MAP7: variants seen among roughly 807,000 people sequenced by gnomAD.
The protein encoded by MAP7 is microtubule associated protein 7, also known as ensconsin.
Under a neutral mutation model 94.8 loss-of-function variants are expected in MAP7, and 52 were observed. The observed-to-expected ratio is 0.55, with a 90% CI of 0.44 to 0.69. The LOEUF is 0.69. Among genes scored for constraint, MAP7 ranks in the 30% least tolerant of loss-of-function variants. The pLI, the probability that MAP7 is intolerant of heterozygous loss-of-function variation, is 0.00. For synonymous variants in MAP7, 350 were observed against 357.0 expected, an observed-to-expected ratio of 0.98 and a Z score of 0.22; for missense variants, 940 against 964.6, an observed-to-expected ratio of 0.97 and a Z score of 0.34.
chr6:136,524,605 A>G (rs971756093), intron 1 of MAP7, among the ~76,000 whole-genome samples: 1 of 152,230 alleles, frequency 6.6e-6, no homozygotes, highest in Non-Finnish European at 1.5e-5. Context: ...ATAAAAATCA[A>G]CTACAGTAGT....
chr6:136,447,104 T>C (rs1799588823), intron 1 of MAP7, among the ~76,000 whole-genome samples: 1 of 152,248 alleles, frequency 6.6e-6, no homozygotes, highest in Admixed American at 6.5e-5. Flanking sequence ...ATCTGTATCA[T>C]GGTTTTAACA....
Position 136,471,716 on chromosome 6 carries a change from G to A in MAP7, c.68-49917C>T, listed in dbSNP as rs560803587. ...TTTACATTACCCTGGAATCTTGCAC[G>A]CGGTCCTTGAATTGCAGAACCATCT... On this transcript the variant is annotated intron_variant, in intron 1 of 17. Transcript: ENST00000354570. Among the ~76,000 whole-genome samples the A allele has an allele frequency of 8.6e-5, 13 of 151,942 alleles. No homozygotes were observed. The East Asian group carries it at 1.4e-3, about 16-fold the overall frequency.
chr6:136,507,353 G>A (rs75235911), intron 1 of MAP7, among the ~76,000 whole-genome samples: 9,364 of 151,544 alleles, frequency 0.062, 403 homozygotes, highest in Non-Finnish European at 0.092. Context: ...GACGGGAAGG[G>A]GGGTAGTAAC....
At chr6:136,388,634 C>T (rs1582759597) in intron 4 of MAP7, 124 bp from the exon 5 acceptor site, 1 of 740,780 alleles carries the variant, frequency 1.3e-6, no homozygotes, top group South Asian at 1.7e-5. Flanking sequence ...TGATCTCTAG[C>T]TGAACTTCTA....
At chr6:136,398,887 C>T (rs1045368734) in intron 3 of MAP7, among the ~76,000 whole-genome samples, 2 of 152,170 alleles carry the variant, frequency 1.3e-5, no homozygotes, top group African/African-American at 2.4e-5. Flanking sequence ...ACTCCACATG[C>T]CCCTGTCATC....
intron 1 of MAP7, among the ~76,000 whole-genome samples, chr6:136,498,834 G>C (rs1262780515): frequency 6.6e-6 from 1 of 151,958 alleles, no homozygotes. Context: ...CAACTGACAG[G>C]CCCAAAAGTA....
rs1245523337 is a variant in MAP7, at chr6:136,344,156, T to C, written c.*72A>G. 6.5e-6 allele frequency: 5 copies of C among 768,872 alleles called. No homozygotes were observed. Among genetic ancestry groups the C allele is most frequent in the African/African-American group, 5.5e-5 (3 of 55,030 alleles). The allele number at this position is 768,872 out of a possible 1,614,324, so 47.6% of individuals were successfully genotyped here. A position where few individuals can be genotyped will look rare whatever the true frequency, so the allele number is the denominator to read the frequency against. On this transcript the variant is annotated 3_prime_UTR_variant, in exon 18 of 18. Coordinates refer to ENST00000354570, the MANE Select transcript of MAP7 (RefSeq NM_003980.6). ...AACGGGTGGAGGGGATGCTCCTTTA[T>C]AGCAGGAAAGGAATTCCATTAATTG... is the stretch of plus-strand genomic sequence containing the variant.
chr6:136,436,337 C>T (rs1796364315), intron 1 of MAP7, among the ~76,000 whole-genome samples: 2 of 151,636 alleles, frequency 1.3e-5, no homozygotes, highest in South Asian at 4.1e-4. Context: ...AAGGTAACTA[C>T]TTATGCCTGA....
chr6:136,543,850 G>A (rs534794725), intron 1 of MAP7, among the ~76,000 whole-genome samples: 59 of 151,868 alleles, frequency 3.9e-4, no homozygotes, highest in South Asian at 1.2e-3. Flanking sequence ...TGTTAACGGT[G>A]GTGCTTACAT....
rs1786992347 is a variant in MAP7 at position 136,343,761 on chromosome 6, T to C, written c.*467A>G. 2.0e-5 allele frequency: 3 copies of C among 152,336 alleles called. No individual in the cohort carries two copies. The South Asian group carries it at 6.2e-4, about 32-fold the overall frequency. The allele number at this position is 152,336 out of a possible 1,614,324, so 9.4% of individuals were successfully genotyped here. A position where few individuals can be genotyped will look rare whatever the true frequency, so the allele number is the denominator to read the frequency against. The stretch of plus-strand genomic sequence containing the variant: ...ACAAATAGAGCTCTTTGCAATAATA[T>C]TTTAAAAAAACAGGCTTAAACTCTT... On this transcript the variant is annotated 3_prime_UTR_variant, in exon 18 of 18. Transcript: ENST00000354570.
At chr6:136,526,533 G>A (rs763882498) in intron 1 of MAP7, 121 of 985,350 alleles carry the variant, frequency 1.2e-4, no homozygotes, top group Non-Finnish European at 1.4e-4. Context: ...GGCCCAGAGC[G>A]GCTCCATCTC....
chr6:136,466,844 T>G (rs1360340739), intron 1 of MAP7: 4 of 1,533,032 alleles, frequency 2.6e-6, no homozygotes, highest in Non-Finnish European at 3.5e-6. Flanking sequence ...CTTCTTGCTT[T>G]GTGTCCCTCA....
At position 136,357,107 on chromosome 6, in the gene MAP7, A is replaced by G. The variant is rs147362115; in HGVS notation, c.1913-313T>C. ...GTTACATGAAGTATATAATATTGAA[A>G]CCAAAGCAACTGATAAAGATAGCAG... On this transcript the variant is annotated intron_variant, in intron 15 of 17. Coordinates refer to ENST00000354570, the MANE Select transcript of MAP7 (RefSeq NM_003980.6). Among the ~76,000 whole-genome samples, 732 of 152,334 alleles carry G rather than the reference A, an allele frequency of 4.8e-3. 8 individuals carry two copies. Among genetic ancestry groups the G allele is most frequent in the African/African-American group, 0.017 (704 of 41,576 alleles).
intron 1 of MAP7, among the ~76,000 whole-genome samples, chr6:136,495,675 A>G (rs1818004264): frequency 6.6e-6 from 1 of 152,126 alleles, no homozygotes. Flanking sequence ...AGGTATATTA[A>G]ACTTTCTTGG....
At chr6:136,519,465 G>A (rs576103169) in intron 1 of MAP7, among the ~76,000 whole-genome samples, 1 of 152,282 alleles carries the variant, frequency 6.6e-6, no homozygotes, top group African/African-American at 2.4e-5. Flanking sequence ...TGATTCTATA[G>A]AGGCATTCAT....
At chr6:136,545,995 G>A (rs1291690969) in intron 1 of MAP7, among the ~76,000 whole-genome samples, 2 of 152,088 alleles carry the variant, frequency 1.3e-5, no homozygotes, top group Non-Finnish European at 1.5e-5. Flanking sequence ...AATAGTATTT[G>A]TTACTATTCT....
chr6:136,360,645 G>C (rs1792353482), intron 13 of MAP7, 52 bp downstream of exon 13: 2 of 1,523,430 alleles, frequency 1.3e-6, no homozygotes, highest in African/African-American at 2.7e-5. Flanking sequence ...TAGTCTCTGG[G>C]TCTTAGAGGT....
In MAP7 at chr6:136,343,913, C is replaced by T. The variant is rs564377178; in HGVS notation, c.*315G>A. On this transcript the variant is annotated 3_prime_UTR_variant, in exon 18 of 18. Coordinates refer to ENST00000354570, the MANE Select transcript of MAP7 (RefSeq NM_003980.6). ...ACCAAAAAAATCATGCCTAGTCAGC[C>T]CATTTCTTTTATAACCAAATTCTCT... is the stretch of plus-strand genomic sequence containing the variant. 8 of 192,984 alleles carry T rather than the reference C, an allele frequency of 4.1e-5. No individual in the cohort carries two copies. The highest frequency in any genetic ancestry group is 1.8e-4 in the African/African-American group (8 of 43,406). 12.0% of individuals were successfully genotyped at this position (192,984 alleles called of 1,614,324 possible).
intron 1 of MAP7, among the ~76,000 whole-genome samples, chr6:136,464,616 T>TAC (rs1806354161): frequency 6.6e-6 from 1 of 152,256 alleles, no homozygotes; most frequent in Admixed American, 6.5e-5. Context: ...ATGGAAGGAC[T>TAC]ACTGTACAAA....
Sources: gnomAD v4.1 joint callset for allele counts (sites outside exome capture counted in the v4.1 genomes callset) on GRCh38, gnomAD v4.1.1 for gene constraint, MANE v1.5 for transcripts, NCBI Gene and HGNC (gene_info 2026-07-23, HGNC 2026-07-21) for gene names.